FOXD4: variants seen among roughly 807,000 people sequenced by gnomAD.
FOXD4 encodes forkhead box D4.
FOXD4 carries 22 observed loss-of-function variants against 26.5 expected under a neutral mutation model. That is an observed-to-expected ratio of 0.83 (90% CI 0.59 to 1.18). FOXD4 has a LOEUF of 1.18. Among genes scored for constraint, FOXD4 ranks in the 50% most tolerant of loss-of-function variants. The pLI is 0.00. For missense variants in FOXD4, 625 were observed against 605.8 expected, an observed-to-expected ratio of 1.03 and a Z score of -0.33; for synonymous variants, 258 against 273.7, an observed-to-expected ratio of 0.94 and a Z score of 0.57.
In FOXD4 at chr9:117,003, A is replaced by T; in HGVS notation, c.1117T>A (p.Cys373Ser). Residue 373 changes from cysteine (C) to serine (S), a missense_variant, in exon 1 of 1, where the codon TGC becomes AGC. Physicochemically the swap from Cys to Ser is moderately radical, Grantham distance 112. Coordinates refer to ENST00000382500, the MANE Select transcript of FOXD4 (RefSeq NM_207305.5). ...TTGGTGGGAGCGCAGCCGTTGGCGC[A>T]GTCCTCCTCCTGATGCCGCTGCTGT... ...QQQQRHQEED[C>S]ANGCAPTKGA... 2 of 1,612,036 alleles carry T rather than the reference A, an allele frequency of 1.2e-6. No individual in the cohort carries two copies. Among genetic ancestry groups the T allele is most frequent in the Non-Finnish European group, 1.7e-6 (2 of 1,179,832 alleles).
In FOXD4 at chr9:117,883, G is replaced by C. The variant is rs142047806; in HGVS notation, c.237C>G (p.Pro79=). ...CCCTGAACTCGGTGCCAAACTCTGA[G>C]GGGTCGCTCGGGCCGCCGCCGCCCT... is the stretch of plus-strand genomic sequence containing the variant. The part of the protein sequence containing the change: ...HIEGGGGPSD[P]SEFGTEFRAP... Residue 79 remains proline, a synonymous_variant, in exon 1 of 1, where the codon CCC becomes CCG. Coordinates refer to ENST00000382500, the MANE Select transcript of FOXD4 (RefSeq NM_207305.5). 9.3e-6 allele frequency: 15 copies of C among 1,611,738 alleles called. No homozygotes were observed. The highest frequency in any genetic ancestry group is 1.1e-5 in the Non-Finnish European group (13 of 1,179,772).
At position 117,093 on chromosome 9, in the gene FOXD4, G is replaced by C. The variant is rs755174475; in HGVS notation, c.1027C>G (p.Arg343Gly). ...RVQGLRRVCP[R>G]PRGATAPCSS... Reference sequence around the variant, plus strand: ...CAGGGGGCAGTAGCTCCACGCGGTCGGGGACAAACTCTGCGCAGCCCCTGT... The same window carrying C: ...CAGGGGGCAGTAGCTCCACGCGGTCCGGGACAAACTCTGCGCAGCCCCTGT... The change falls in exon 1 of 1, where the codon CGA becomes GGA. Residue 343 changes from arginine (R) to glycine (G), a missense_variant. Around this residue, in one of 3 missense-constraint regions of FOXD4, gnomAD observed 134 missense variants for 132.2 expected, o/e 1.01. Transcript: ENST00000382500. The C allele has an allele frequency of 1.9e-6, 3 of 1,611,998 alleles. No individual in the cohort carries two copies. The highest frequency in any genetic ancestry group is 1.7e-5 in the Admixed American group (1 of 60,022).
In FOXD4 at chr9:116,716, A is replaced by T; in HGVS notation, c.*84T>A. The T allele has an allele frequency of 6.6e-7, 1 of 1,517,480 alleles. No homozygotes were observed. The highest frequency in any genetic ancestry group is 1.3e-5 in the South Asian group (1 of 75,362). The allele number at this position is 1,517,480 out of a possible 1,614,324, so 94.0% of individuals were successfully genotyped here. A position where few individuals can be genotyped will look rare whatever the true frequency, so the allele number is the denominator to read the frequency against. On this transcript the variant is annotated 3_prime_UTR_variant, in exon 1 of 1. Transcript: ENST00000382500. ...GAACAGAAGTTCGTGTTTGCTCTCC[A>T]GCGGGATTCAGATGCACACGCCCAG...
In FOXD4 at chr9:118,133, C is replaced by T; in HGVS notation, c.-14G>A. ...TGGCAAGTTCATGGCGGAGCAGGTG[C>T]TTCAGTCGCAGGGGATGTGGCGGCC... On this transcript the variant is annotated 5_prime_UTR_variant, in exon 1 of 1. Transcript: ENST00000382500. The T allele has an allele frequency of 6.2e-7, 1 of 1,611,432 alleles. No homozygotes were observed. The highest frequency in any genetic ancestry group is 8.5e-7 in the Non-Finnish European group (1 of 1,179,722).
Position 117,016 on chromosome 9 carries a change from A to G in FOXD4, c.1104T>C (p.His368=). ...CRTILQQQQR[H]QEEDCANGCA... ...AGCCGTTGGCGCAGTCCTCCTCCTG[A>G]TGCCGCTGCTGTTGCTGCAAAATTG... The change falls in exon 1 of 1, where the codon CAT becomes CAC. Residue 368 remains histidine (H), a synonymous_variant. Transcript: ENST00000382500. 1 of 1,612,054 alleles carries G rather than the reference A, an allele frequency of 6.2e-7. No homozygotes were observed. The highest frequency in any genetic ancestry group is 2.2e-5 in the East Asian group (1 of 44,890).
At position 117,424 on chromosome 9, in the gene FOXD4, C is replaced by G. The variant is rs770140962; in HGVS notation, c.696G>C (p.Leu232=). The part of the protein sequence containing the change: ...AALHNPRPGP[L]LGAPAPPQPV... ...GCTGCGGCGGGGCAGGGGCCCCAAGCAGAGGGCCTGGGCGGGGGTTGTGCA... is the reference window on the plus strand; with the variant it reads ...GCTGCGGCGGGGCAGGGGCCCCAAGGAGAGGGCCTGGGCGGGGGTTGTGCA... The change falls in exon 1 of 1, where the codon CTG becomes CTC. Residue 232 remains leucine, a synonymous_variant. Coordinates refer to ENST00000382500, the MANE Select transcript of FOXD4 (RefSeq NM_207305.5). 1.3e-6 allele frequency: 2 copies of G among 1,594,924 alleles called. No homozygotes were observed. Among genetic ancestry groups the G allele is most frequent in the Non-Finnish European group, 1.7e-6 (2 of 1,177,400 alleles).
rs916158267 is a variant in FOXD4 at position 118,147 on chromosome 9, G to C, written c.-28C>G. On this transcript the variant is annotated 5_prime_UTR_variant, in exon 1 of 1. The change creates a new upstream start codon in the 5' untranslated region. Transcript: ENST00000382500. ...CGGAGCAGGTGCTTCAGTCGCAGGG[G>C]ATGTGGCGGCCGGATCACCTGGCCC... 3.1e-6 allele frequency: 5 copies of C among 1,605,686 alleles called. No homozygotes were observed. The highest frequency in any genetic ancestry group is 4.2e-6 in the Non-Finnish European group (5 of 1,178,050).
At position 116,578 on chromosome 9, in the gene FOXD4, A is replaced by G. The variant is rs1819361113; in HGVS notation, c.*222T>C. 9 of 866,324 alleles carry G rather than the reference A, an allele frequency of 1.0e-5. No individual in the cohort carries two copies. The South Asian group carries it at 1.5e-4, about 15-fold the overall frequency. 53.7% of individuals were successfully genotyped at this position (866,324 alleles called of 1,614,324 possible). A position where few individuals can be genotyped will look rare whatever the true frequency, so the allele number is the denominator to read the frequency against. ...AGGACATGTGCAAATCGGGAAAGCC[A>G]CAGAAGCCACAACCGAAGGCAAGAA... On this transcript the variant is annotated 3_prime_UTR_variant, in exon 1 of 1. Transcript: ENST00000382500.
In FOXD4 at chr9:117,558, A is replaced by G; in HGVS notation, c.562T>C (p.Phe188Leu). 2 of 1,613,292 alleles carry G rather than the reference A, an allele frequency of 1.2e-6. No homozygotes were observed. The highest frequency in any genetic ancestry group is 1.7e-6 in the Non-Finnish European group (2 of 1,180,036). The change falls in exon 1 of 1, where the codon TTC (phenylalanine) becomes CTC (leucine). Residue 188 changes from phenylalanine to leucine, a missense_variant. By Grantham distance (22) the Phe-to-Leu change is conservative. This residue lies in a region of FOXD4 where 399 missense variants were observed against 329.4 expected (regional missense o/e 1.21). Transcript: ENST00000382500. ...WSLDPASQDM[F>L]DNGSFLRRRK... ...CGCCGGAGAAAGCTGCCATTGTCGA[A>G]CATGTCCTGGGAGGCGGGGTCCAGG...
rs1448518673 is a variant in FOXD4, at chr9:118,414, C to A, written c.-295G>T. Among the ~76,000 whole-genome samples the A allele has an allele frequency of 6.7e-6, 1 of 149,780 alleles. No individual in the cohort carries two copies. The highest frequency in any genetic ancestry group is 1.5e-5 in the Non-Finnish European group (1 of 67,218). On this transcript the variant is annotated 5_prime_UTR_variant, in exon 1 of 1. Transcript: ENST00000382500. ...CCTAACGTAGTCCAGGGATGATGGT[C>A]TTCTGGGCAAACACCGTCCGGAGAA...
chr9:117,028 T>C lies in FOXD4; in HGVS notation c.1092A>G (p.Gln364=), dbSNP rs1276509313. ...DRQACRTILQ[Q]QQRHQEEDCA... The stretch of plus-strand genomic sequence containing the variant: ...AGTCCTCCTCCTGATGCCGCTGCTG[T>C]TGCTGCAAAATTGTCCGACAGGCTT... Residue 364 remains glutamine, a synonymous_variant, in exon 1 of 1, where the codon CAA becomes CAG. Transcript: ENST00000382500. The C allele has an allele frequency of 2.2e-5, 36 of 1,611,944 alleles. No homozygotes were observed. Among genetic ancestry groups the C allele is most frequent in the Non-Finnish European group, 2.7e-5 (32 of 1,179,858 alleles).
Position 116,974 on chromosome 9 carries a change from G to A in FOXD4, c.1146C>T (p.Gly382=), listed in dbSNP as rs1165876325. 2 of 1,611,940 alleles carry A rather than the reference G, an allele frequency of 1.2e-6. No individual in the cohort carries two copies. Among genetic ancestry groups the A allele is most frequent in the Non-Finnish European group, 1.7e-6 (2 of 1,179,786 alleles). The change falls in exon 1 of 1, where the codon GGC becomes GGT. Residue 382 remains glycine (G), a synonymous_variant. Coordinates refer to ENST00000382500, the MANE Select transcript of FOXD4 (RefSeq NM_207305.5). The stretch of plus-strand genomic sequence containing the variant: ...CCGACAGGTGCCCGCCCAGCACCGC[G>A]CCCTTGGTGGGAGCGCAGCCGTTGG... ...DCANGCAPTK[G]AVLGGHLSAA... is the part of the protein sequence containing the mutation.
chr9:116,792 A>G lies in FOXD4; in HGVS notation c.*8T>C. ...CAGCTGCGGGTCGCTCCCCACTCCC[A>G]CCTGGCTCTAGGAGGGCCCTGCGGA... On this transcript the variant is annotated 3_prime_UTR_variant, in exon 1 of 1. Coordinates refer to ENST00000382500, the MANE Select transcript of FOXD4 (RefSeq NM_207305.5). 6.3e-7 allele frequency: 1 copy of G among 1,586,900 alleles called. No individual in the cohort carries two copies. The highest frequency in any genetic ancestry group is 8.6e-7 in the Non-Finnish European group (1 of 1,166,532).
rs778503306 is a variant in FOXD4, at chr9:117,259, C to A, written c.861G>T (p.Ala287=). 3.7e-6 allele frequency: 6 copies of A among 1,608,152 alleles called. No individual in the cohort carries two copies. The highest frequency in any genetic ancestry group is 5.1e-6 in the Non-Finnish European group (6 of 1,179,830). Residue 287 remains alanine, a synonymous_variant, in exon 1 of 1, where the codon GCG becomes GCT. Transcript: ENST00000382500. Reference sequence around the variant, plus strand: ...TGCAGCACGGGAAGGGTGCCGGGGTCGCCAGGTCCGCGCCTTCTGCTTTCT... The same window carrying A: ...TGCAGCACGGGAAGGGTGCCGGGGTAGCCAGGTCCGCGCCTTCTGCTTTCT... ...APKKAEGADL[A]TPAPFPCCSP...
In FOXD4 at chr9:116,785, C is replaced by T. The variant is rs1239288815; in HGVS notation, c.*15G>A. The T allele has an allele frequency of 8.2e-6, 13 of 1,580,334 alleles. No individual in the cohort carries two copies. The highest frequency in any genetic ancestry group is 9.5e-6 in the Non-Finnish European group (11 of 1,163,638). ...GAGTGAGCAGCTGCGGGTCGCTCCCCACTCCCACCTGGCTCTAGGAGGGCC... is the reference window on the plus strand; with the variant it reads ...GAGTGAGCAGCTGCGGGTCGCTCCCTACTCCCACCTGGCTCTAGGAGGGCC... On this transcript the variant is annotated 3_prime_UTR_variant, in exon 1 of 1. Coordinates refer to ENST00000382500, the MANE Select transcript of FOXD4 (RefSeq NM_207305.5).
chr9:118,353 C>A lies in FOXD4; in HGVS notation c.-234G>T. Reference sequence around the variant, plus strand: ...GTGTGGTGGACGCCTCCCTTTATAACCCTTCTTCCCCTACCTCGGAGCGGT... The same window carrying A: ...GTGTGGTGGACGCCTCCCTTTATAAACCTTCTTCCCCTACCTCGGAGCGGT... On this transcript the variant is annotated 5_prime_UTR_variant, in exon 1 of 1. Coordinates refer to ENST00000382500, the MANE Select transcript of FOXD4 (RefSeq NM_207305.5). 2.6e-6 allele frequency: 2 copies of A among 775,360 alleles called. No individual in the cohort carries two copies. The highest frequency in any genetic ancestry group is 4.1e-6 in the Non-Finnish European group (2 of 485,900). 48.0% of individuals were successfully genotyped at this position (775,360 alleles called of 1,614,324 possible).
At position 117,677 on chromosome 9, in the gene FOXD4, C is replaced by A. The variant is rs763416063; in HGVS notation, c.443G>T (p.Trp148Leu). Residue 148 changes from tryptophan (W) to leucine (L), a missense_variant, in exon 1 of 1, where the codon TGG becomes TTG. Physicochemically the swap from Trp to Leu is moderately conservative, Grantham distance 61 (BLOSUM62 -2). Transcript: ENST00000382500. The part of the protein sequence containing the change: ...FPYYRRKFPA[W>L]QNSIRHNLSL... The stretch of plus-strand genomic sequence containing the variant: ...GAGGTTGTGGCGGATGCTGTTCTGC[C>A]AGGCGGGGAACTTGCGGCGGTAGTA... The A allele has an allele frequency of 6.2e-7, 1 of 1,613,094 alleles. No homozygotes were observed. Among genetic ancestry groups the A allele is most frequent in the East Asian group, 2.2e-5 (1 of 44,880 alleles).
rs1819368995 is a variant in FOXD4, at chr9:116,791, C to T, written c.*9G>A. ...GCAGCTGCGGGTCGCTCCCCACTCC[C>T]ACCTGGCTCTAGGAGGGCCCTGCGG... is the stretch of plus-strand genomic sequence containing the variant. On this transcript the variant is annotated 3_prime_UTR_variant, in exon 1 of 1. Transcript: ENST00000382500. 2.5e-6 allele frequency: 4 copies of T among 1,586,336 alleles called. No individual in the cohort carries two copies.
chr9:116,647 T>C lies in FOXD4; in HGVS notation c.*153A>G, dbSNP rs1819363163. The stretch of plus-strand genomic sequence containing the variant: ...GCGAAGGTTACGTTCAGGTGGTTTT[T>C]AGAGGAACGTAATCCAGCTGTTTCT... On this transcript the variant is annotated 3_prime_UTR_variant, in exon 1 of 1. Coordinates refer to ENST00000382500, the MANE Select transcript of FOXD4 (RefSeq NM_207305.5). 4 of 1,286,028 alleles carry C rather than the reference T, an allele frequency of 3.1e-6. No homozygotes were observed. The highest frequency in any genetic ancestry group is 2.3e-5 in the Admixed American group (1 of 42,968). 79.7% of individuals were successfully genotyped at this position (1,286,028 alleles called of 1,614,324 possible). A position where few individuals can be genotyped will look rare whatever the true frequency, so the allele number is the denominator to read the frequency against.
Sources: allele counts gnomAD v4.1 joint callset (sites outside exome capture counted in the v4.1 genomes callset), GRCh38; gene constraint gnomAD v4.1.1; regional missense constraint gnomAD v4.1.1; transcripts MANE v1.5; gene names NCBI Gene and HGNC (gene_info 2026-07-23, HGNC 2026-07-21).